Variants in DMRT1 observed in about 807,000 individuals in gnomAD.
DMRT1 encodes doublesex and mab-3 related transcription factor 1.
Under a neutral mutation model 32.3 loss-of-function variants are expected in DMRT1, and 7 were observed. That is an observed-to-expected ratio of 0.22 (90% CI 0.12 to 0.41). The LOEUF is 0.41. Ranked by LOEUF, DMRT1 falls within the 10% of genes least tolerant of loss-of-function variation. The pLI, the probability that DMRT1 is intolerant of heterozygous loss-of-function variation, is 1.00. For missense variants in DMRT1, 625 were observed against 500.5 expected (o/e 1.25, Z -2.37); for synonymous variants, 278 against 206.1 (o/e 1.35, Z -2.99).
intron 2 of DMRT1, among the ~76,000 whole-genome samples, chr9:868,014 A>C (rs565391124): frequency 1.3e-5 from 2 of 152,316 alleles, no homozygotes; most frequent in Admixed American, 1.3e-4. Context: ...CAGGGTCTCT[A>C]TCGCCCAGGC....
chr9:868,152 A>AT (rs1816073059), intron 2 of DMRT1, among the ~76,000 whole-genome samples: 1 of 152,100 alleles, frequency 6.6e-6, no homozygotes, highest in South Asian at 2.1e-4. Context: ...TAAGTTTTGT[A>AT]TTTTTTTGTA....
chr9:908,049 A>G (rs113641631), intron 3 of DMRT1, among the ~76,000 whole-genome samples: 3,528 of 152,330 alleles, frequency 0.023, 145 homozygotes, highest in African/African-American at 0.079. Context: ...TAAAATGTCA[A>G]AATACTCACA....
intron 2 of DMRT1, among the ~76,000 whole-genome samples, chr9:875,984 G>A (rs1347296301): frequency 5.3e-5 from 8 of 152,140 alleles, no homozygotes; most frequent in Admixed American, 5.2e-4. Flanking sequence ...CTGCCTGGCT[G>A]GGAACTCGAG....
intron 2 of DMRT1, among the ~76,000 whole-genome samples, chr9:863,531 G>A (rs1440947822): frequency 6.6e-6 from 1 of 152,162 alleles, no homozygotes; most frequent in Non-Finnish European, 1.5e-5. Flanking sequence ...CTGACAGCCA[G>A]CAAGGAATGG....
intron 2 of DMRT1, among the ~76,000 whole-genome samples, chr9:873,075 C>G (rs1002721972): frequency 1.3e-5 from 2 of 152,186 alleles, no homozygotes; most frequent in Admixed American, 6.5e-5. Flanking sequence ...TTAACCCAGT[C>G]AAGGTGACAT....
intron 2 of DMRT1, among the ~76,000 whole-genome samples, chr9:881,567 G>C (rs1443184322): frequency 6.6e-6 from 1 of 152,178 alleles, no homozygotes; most frequent in Non-Finnish European, 1.5e-5. Flanking sequence ...ACATGCTCTA[G>C]AGAGAAAGAC....
At chr9:848,117 A>G (rs537013482) in intron 2 of DMRT1, among the ~76,000 whole-genome samples, 8 of 152,362 alleles carry the variant, frequency 5.3e-5, no homozygotes, top group African/African-American at 1.9e-4. Flanking sequence ...TCTAAGCTCC[A>G]TGAAATACAG....
chr9:879,739 T>A (rs1816655639), intron 2 of DMRT1, among the ~76,000 whole-genome samples: 1 of 152,258 alleles, frequency 6.6e-6, no homozygotes, highest in Admixed American at 6.5e-5. Context: ...AAGATCAGAC[T>A]AGATCTGCTG....
chr9:847,150 T>A lies in DMRT1; in HGVS notation c.538+7T>A. ...CCCACCACTGCAGCTTCAGGTAATC[T>A]GGAGGGGCTGGGGTTCACATGGAGG... On this transcript the variant is annotated splice_region_variant and intron_variant, in intron 2 of 4. Coordinates refer to ENST00000382276, the MANE Select transcript of DMRT1 (RefSeq NM_021951.3). 6.2e-7 allele frequency: 1 copy of A among 1,611,818 alleles called. No homozygotes were observed. The highest frequency in any genetic ancestry group is 2.2e-5 in the East Asian group (1 of 44,860).
intron 2 of DMRT1, among the ~76,000 whole-genome samples, chr9:852,974 A>T (rs1160846359): frequency 6.6e-6 from 1 of 152,218 alleles, no homozygotes; most frequent in Non-Finnish European, 1.5e-5. Flanking sequence ...AAGTTCATAA[A>T]ACATGAAATG....
At chr9:963,814 C>T (rs982733001) in intron 4 of DMRT1, among the ~76,000 whole-genome samples, 2 of 152,196 alleles carry the variant, frequency 1.3e-5, no homozygotes, top group African/African-American at 4.8e-5. Flanking sequence ...TTTCCAAACA[C>T]TATGGTTATC....
At chr9:889,154 C>G (rs1057008255) in intron 2 of DMRT1, among the ~76,000 whole-genome samples, 1 of 152,096 alleles carries the variant, frequency 6.6e-6, no homozygotes, top group African/African-American at 2.4e-5. Flanking sequence ...ACACATGTAG[C>G]TTGACAGATA....
intron 3 of DMRT1, among the ~76,000 whole-genome samples, chr9:896,897 T>C (rs1817389430): frequency 6.6e-6 from 1 of 152,100 alleles, no homozygotes; most frequent in South Asian, 2.1e-4. Flanking sequence ...TGTTCCATTT[T>C]GCGTCTGCCT....
intron 2 of DMRT1, among the ~76,000 whole-genome samples, chr9:855,913 C>G (rs1364325175): frequency 6.6e-6 from 1 of 150,986 alleles, no homozygotes; most frequent in African/African-American, 2.5e-5. Flanking sequence ...GGCAGCATGC[C>G]TGACCTCTGA....
chr9:932,501 G>C (rs1818757905), intron 4 of DMRT1, among the ~76,000 whole-genome samples: 1 of 152,176 alleles, frequency 6.6e-6, no homozygotes, highest in Non-Finnish European at 1.5e-5. Context: ...GAAGCACTTT[G>C]ACATAGATCA....
intron 2 of DMRT1, among the ~76,000 whole-genome samples, chr9:866,955 C>G (rs751700441): frequency 6.6e-6 from 1 of 152,012 alleles, no homozygotes; most frequent in Non-Finnish European, 1.5e-5. Flanking sequence ...TTTGGGTGTG[C>G]TATTTTCATC....
At chr9:860,536 C>G (rs1056931455) in intron 2 of DMRT1, among the ~76,000 whole-genome samples, 5 of 152,054 alleles carry the variant, frequency 3.3e-5, no homozygotes, top group East Asian at 3.9e-4. Flanking sequence ...GAGCCAGATC[C>G]TATTCTAGGT....
chr9:859,165 A>G (rs1385469868), intron 2 of DMRT1, among the ~76,000 whole-genome samples: 1 of 152,110 alleles, frequency 6.6e-6, no homozygotes, highest in East Asian at 1.9e-4. Flanking sequence ...CTCTGCCAGC[A>G]TCCTTTCTTG....
At chr9:857,230 C>G (rs555401421) in intron 2 of DMRT1, among the ~76,000 whole-genome samples, 58 of 152,204 alleles carry the variant, frequency 3.8e-4, no homozygotes, top group African/African-American at 1.3e-3. Context: ...TTTTCTGAGC[C>G]CAGGACGTGG....
Sources: gnomAD v4.1 joint callset for allele counts (sites outside exome capture counted in the v4.1 genomes callset) on GRCh38, gnomAD v4.1.1 for gene constraint, MANE v1.5 for transcripts, NCBI Gene and HGNC (gene_info 2026-07-23, HGNC 2026-07-21) for gene names.